Variants in MAP3K19 observed in about 807,000 individuals in gnomAD.
The protein encoded by MAP3K19 is SPS1/STE20-related protein kinase YSK4.
A neutral mutation model predicts 114.4 loss-of-function variants in MAP3K19; 91 were observed. That is an observed-to-expected ratio of 0.80 (90% CI 0.67 to 0.95). The LOEUF (loss-of-function observed/expected upper bound fraction) is 0.95. MAP3K19 is among the 40% of genes least tolerant of loss of function. The pLI is 0.00. For missense variants in MAP3K19, 1,471 were observed against 1,573.2 expected (o/e 0.94, Z 1.10); for synonymous variants, 518 against 530.5 (o/e 0.98, Z 0.32).
At chr2:135,030,654 C>A (rs556931342) in intron 2 of MAP3K19, among the ~76,000 whole-genome samples, 154 bp from the exon 3 acceptor site, 1 of 152,326 alleles carries the variant, frequency 6.6e-6, no homozygotes, top group East Asian at 1.9e-4. Flanking sequence ...ATCTCCATGA[C>A]ATGCATGATT....
At position 134,987,122 on chromosome 2, in the gene MAP3K19, GCCTGGGGTCCACAAGT is replaced by G; in HGVS notation, c.1734_1749del (p.Val580GlyfsTer13). ...TTTTGAAACCTGGGCAATTGCCAAG[GCCTGGGGTCCACAAGT>G]CCCAAAGCCGGGAAAATTTGTGTTT... On this transcript the variant is annotated frameshift_variant, in exon 10 of 13. Coordinates refer to ENST00000392915, the MANE Select transcript of MAP3K19 (RefSeq NM_025052.5). LOFTEE classifies it high-confidence loss of function. 6.2e-7 allele frequency: 1 copy of G among 1,613,866 alleles called. No individual in the cohort carries two copies. Among genetic ancestry groups the G allele is most frequent in the Non-Finnish European group, 8.5e-7 (1 of 1,180,022 alleles).
At chr2:135,045,183 C>G (rs1688716280) in intron 1 of MAP3K19, among the ~76,000 whole-genome samples, 1 of 152,210 alleles carries the variant, frequency 6.6e-6, no homozygotes, top group Non-Finnish European at 1.5e-5. Context: ...TCAATTTACA[C>G]TCCCACCAGT....
intron 1 of MAP3K19, among the ~76,000 whole-genome samples, chr2:135,043,217 C>T (rs1688680286): frequency 2.0e-5 from 3 of 152,126 alleles, no homozygotes; most frequent in African/African-American, 7.2e-5. Context: ...GCAGGTGATT[C>T]CTTTTACAGA....
rs969889247 is a variant in MAP3K19 at position 135,008,953 on chromosome 2, T to G, written c.139-3422A>C. On this transcript the variant is annotated intron_variant, in intron 5 of 12. Coordinates refer to ENST00000392915, the MANE Select transcript of MAP3K19 (RefSeq NM_025052.5). ...ACCACCATGCCCTGCCCCTTTTCATTTTATTTTTTATTTTTTGAGACAGAG... is the reference window on the plus strand; with the variant it reads ...ACCACCATGCCCTGCCCCTTTTCATGTTATTTTTTATTTTTTGAGACAGAG... 5.9e-5 allele frequency among the ~76,000 whole-genome samples: 9 copies of G among 151,584 alleles called. 1 individual carries two copies. The highest frequency in any genetic ancestry group is 2.2e-4 in the African/African-American group (9 of 41,244).
At chr2:135,040,880 C>G (rs1688632760) in intron 1 of MAP3K19, among the ~76,000 whole-genome samples, 2 of 152,144 alleles carry the variant, frequency 1.3e-5, no homozygotes, top group South Asian at 4.1e-4. Context: ...ATTTAAATTC[C>G]TTCTCCACAG....
chr2:135,001,879 C>T (rs1174626021), intron 6 of MAP3K19, among the ~76,000 whole-genome samples: 1 of 152,210 alleles, frequency 6.6e-6, no homozygotes, highest in African/African-American at 2.4e-5. Flanking sequence ...ATAACAAGCA[C>T]ATGTAAGAAA....
intron 8 of MAP3K19, among the ~76,000 whole-genome samples, chr2:134,997,423 G>C (rs1320950439): frequency 1.3e-5 from 2 of 152,152 alleles, no homozygotes; most frequent in Admixed American, 6.5e-5. Flanking sequence ...TAGTTGTGAT[G>C]GTTACACAAC....
chr2:134,994,122 A>C (rs745446233), intron 8 of MAP3K19, among the ~76,000 whole-genome samples: 3 of 152,270 alleles, frequency 2.0e-5, no homozygotes, highest in Non-Finnish European at 4.4e-5. Flanking sequence ...ACAGTAAAAG[A>C]ATTAAAAAAC....
At chr2:135,027,371 GAGAAAGAAAGAAAAAAGAAAGAAAGAAA>G (rs1688281345) in intron 3 of MAP3K19, among the ~76,000 whole-genome samples, 1 of 136,108 alleles carries the variant, frequency 7.3e-6, no homozygotes, top group African/African-American at 2.8e-5. Flanking sequence ...GAAAGAGAGA[GAGAAAGAAAGAAAAAAGAAAGAAAGAAA>G]AGAAAGAAAG....
chr2:135,044,149 G>T lies in MAP3K19; in HGVS notation c.-424+3036C>A, dbSNP rs191297145. Among the ~76,000 whole-genome samples the T allele has an allele frequency of 2.6e-3, 403 of 152,252 alleles. 3 individuals are homozygous for T. The highest frequency in any genetic ancestry group is 8.0e-3 in the Admixed American group (122 of 15,284). On this transcript the variant is annotated intron_variant, in intron 1 of 12. Coordinates refer to ENST00000392915, the MANE Select transcript of MAP3K19 (RefSeq NM_025052.5). ...CTACGTGTCATATGCTTTTCTAAAT[G>T]GTTTACAGGTGTTTGTTCTATTTAA...
chr2:134,978,985 C>T (rs951465644), intron 12 of MAP3K19, among the ~76,000 whole-genome samples: 1 of 152,206 alleles, frequency 6.6e-6, no homozygotes, highest in African/African-American at 2.4e-5. Context: ...AGTACCCCCT[C>T]CATGCTTATT....
At chr2:135,029,304 A>C (rs1307603817) in intron 3 of MAP3K19, among the ~76,000 whole-genome samples, 1 of 152,176 alleles carries the variant, frequency 6.6e-6, no homozygotes, top group East Asian at 1.9e-4. Flanking sequence ...TGAACCCGGG[A>C]GGTGGAGATT....
At chr2:135,000,802 A>G (rs1448657566) in intron 6 of MAP3K19, among the ~76,000 whole-genome samples, 2 of 152,136 alleles carry the variant, frequency 1.3e-5, no homozygotes, top group Admixed American at 6.5e-5. Context: ...ATTTCTATCC[A>G]TTTATCTGTC....
intron 11 of MAP3K19, among the ~76,000 whole-genome samples, chr2:134,981,766 C>T (rs1468215269): frequency 6.6e-6 from 1 of 152,124 alleles, no homozygotes; most frequent in Non-Finnish European, 1.5e-5. Flanking sequence ...TGGCTAGAAT[C>T]CTGGCTTCAT....
chr2:135,032,338 C>A (rs1384326192), intron 2 of MAP3K19, among the ~76,000 whole-genome samples: 5 of 132,982 alleles, frequency 3.8e-5, no homozygotes, highest in Admixed American at 1.7e-4. Context: ...GCCTGGGTGA[C>A]AGAGTGAGAC....
At position 134,991,579 on chromosome 2, in the gene MAP3K19, C is replaced by T. The variant is rs752040080; in HGVS notation, c.576G>A (p.Glu192=). ...FLKEQQRKSE[E]FSTSHMKYSG... The stretch of plus-strand genomic sequence containing the variant: ...TGTACTTCATATGAGAGGTCGAAAA[C>T]TCTACAACAAGAAAAACAATAACTG... The change falls in exon 9 of 13, where the codon GAG becomes GAA. Residue 192 remains glutamate (E), a splice_region_variant and synonymous_variant. Coordinates refer to ENST00000392915, the MANE Select transcript of MAP3K19 (RefSeq NM_025052.5). The T allele has an allele frequency of 2.5e-6, 4 of 1,610,352 alleles. No individual in the cohort carries two copies. The highest frequency in any genetic ancestry group is 2.2e-5 in the East Asian group (1 of 44,666).
chr2:134,976,113 C>T lies in MAP3K19; in HGVS notation c.3920+4708G>A, dbSNP rs190388112. The stretch of plus-strand genomic sequence containing the variant: ...CTGGCATCACACTGCTGCAGCCCTC[C>T]AGGTAAACACAAGAAGATGTAAGTA... On this transcript the variant is annotated intron_variant, in intron 12 of 12. Transcript: ENST00000392915. Among the ~76,000 whole-genome samples the T allele has an allele frequency of 1.6e-4, 24 of 152,290 alleles. 1 individual carries two copies. The East Asian group carries it at 2.9e-3, about 18-fold the overall frequency.
At position 134,973,818 on chromosome 2, in the gene MAP3K19, C is replaced by T. The variant is rs78265845; in HGVS notation, c.3920+7003G>A. 0.032 allele frequency among the ~76,000 whole-genome samples: 4,797 copies of T among 152,186 alleles called. 457 individuals are homozygous for T. In the East Asian group the frequency reaches 0.4, roughly 13 times the overall value. On this transcript the variant is annotated intron_variant, in intron 12 of 12. Coordinates refer to ENST00000392915, the MANE Select transcript of MAP3K19 (RefSeq NM_025052.5). ...ATGTTTTCATGATGATAGATATGAC[C>T]TTTCACTTCCAGGTGTAGGACTTTC...
chr2:135,008,692 C>A (rs1559176037), intron 5 of MAP3K19, among the ~76,000 whole-genome samples: 1 of 152,116 alleles, frequency 6.6e-6, no homozygotes, highest in Non-Finnish European at 1.5e-5. Context: ...TGTGCTATAT[C>A]ATATCTTCTC....
Sources: allele counts gnomAD v4.1 joint callset (sites outside exome capture counted in the v4.1 genomes callset), GRCh38; gene constraint gnomAD v4.1.1; transcripts MANE v1.5; gene names NCBI Gene and HGNC (gene_info 2026-07-23, HGNC 2026-07-21).